STXBP5L: variants seen among roughly 807,000 people sequenced by gnomAD.
STXBP5L encodes syntaxin binding protein 5L.
In STXBP5L, 65 loss-of-function variants were observed where a neutral mutation model predicts 144.5. That is an observed-to-expected ratio of 0.45 (90% CI 0.37 to 0.55). The LOEUF (loss-of-function observed/expected upper bound fraction) is 0.55. Among genes scored for constraint, STXBP5L ranks in the 20% least tolerant of loss-of-function variants. The probability of loss-of-function intolerance (pLI) is 0.00; values close to 1 mark genes in which losing one functional copy is unlikely to be tolerated. For missense variants in STXBP5L, 1,298 were observed against 1,405.5 expected, an observed-to-expected ratio of 0.92 and a Z score of 1.22; for synonymous variants, 505 against 469.6, an observed-to-expected ratio of 1.08 and a Z score of -0.97.
At chr3:121,091,632 T>C (rs572985739) in intron 5 of STXBP5L, among the ~76,000 whole-genome samples, 1 of 152,332 alleles carries the variant, frequency 6.6e-6, no homozygotes, top group Admixed American at 6.5e-5. Flanking sequence ...GGTTGTTTTT[T>C]TCTTGTAAAT....
chr3:121,191,504 G>T (rs955535315), intron 9 of STXBP5L, among the ~76,000 whole-genome samples: 15 of 152,144 alleles, frequency 9.9e-5, no homozygotes, highest in African/African-American at 2.2e-4. Context: ...GTCCAGCCTC[G>T]GCTGGGCATC....
At position 121,029,652 on chromosome 3, in the gene STXBP5L, A is replaced by G. The variant is rs1425201682; in HGVS notation, c.288-12048A>G. 2.0e-5 allele frequency among the ~76,000 whole-genome samples: 3 copies of G among 152,192 alleles called. No individual in the cohort carries two copies. The South Asian group carries it at 6.2e-4, about 31-fold the overall frequency. Reference sequence around the variant, plus strand: ...TCTTCGTGACTAGAATACCAAAAGCAATGGCAACAAAAGGCAAAATTGACA... The same window carrying G: ...TCTTCGTGACTAGAATACCAAAAGCGATGGCAACAAAAGGCAAAATTGACA... On this transcript the variant is annotated intron_variant, in intron 3 of 26. Transcript: ENST00000471454.
intron 9 of STXBP5L, among the ~76,000 whole-genome samples, chr3:121,197,085 GTATGT>G (rs1428156898): frequency 2.0e-5 from 3 of 151,858 alleles, no homozygotes; most frequent in Non-Finnish European, 4.4e-5. Context: ...GGAGTTTTTA[GTATGT>G]TATATCTTCG....
intron 22 of STXBP5L, among the ~76,000 whole-genome samples, chr3:121,383,110 C>T (rs1036914389): frequency 4.6e-5 from 7 of 151,848 alleles, no homozygotes; most frequent in African/African-American, 1.5e-4. Flanking sequence ...AGTGAGACCC[C>T]ATCACTACCA....
intron 20 of STXBP5L, among the ~76,000 whole-genome samples, chr3:121,342,228 A>G (rs572551517): frequency 1.3e-5 from 2 of 152,302 alleles, no homozygotes; most frequent in South Asian, 2.1e-4. Flanking sequence ...AACATTTCTC[A>G]TTCCTAATAA....
At chr3:120,919,306 A>G (rs568260532) in intron 2 of STXBP5L, among the ~76,000 whole-genome samples, 1 of 152,232 alleles carries the variant, frequency 6.6e-6, no homozygotes, top group African/African-American at 2.4e-5. Context: ...TATAGCAAAA[A>G]GCTGAAATTG....
chr3:121,401,861 A>T (rs569423487), intron 22 of STXBP5L, among the ~76,000 whole-genome samples: 5 of 136,096 alleles, frequency 3.7e-5, no homozygotes, highest in East Asian at 2.2e-4. Context: ...AACCTGCACA[A>T]TGTGCACATG....
At chr3:121,310,393 G>A (rs763980978) in intron 19 of STXBP5L, among the ~76,000 whole-genome samples, 4 of 151,766 alleles carry the variant, frequency 2.6e-5, no homozygotes, top group Admixed American at 6.6e-5. Context: ...GGTGGATCAC[G>A]AGGTCAGGAG....
chr3:121,163,493 G>A lies in STXBP5L; in HGVS notation c.877+5866G>A, dbSNP rs572910798. Among the ~76,000 whole-genome samples, 5 of 152,058 alleles carry A rather than the reference G, an allele frequency of 3.3e-5. No individual in the cohort carries two copies. In the South Asian group the frequency reaches 8.3e-4, roughly 25 times the overall value. On this transcript the variant is annotated intron_variant, in intron 9 of 26. Coordinates refer to ENST00000471454, the MANE Select transcript of STXBP5L (RefSeq NM_001308330.2). ...TGCATGCCGGGCTTAAAACCTAGATGATGGGTTGATGGGTGCAGCAAACCA... is the reference window on the plus strand; with the variant it reads ...TGCATGCCGGGCTTAAAACCTAGATAATGGGTTGATGGGTGCAGCAAACCA...
chr3:121,239,651 T>A (rs1175026180), intron 13 of STXBP5L, among the ~76,000 whole-genome samples: 3 of 133,058 alleles, frequency 2.3e-5, no homozygotes, highest in Non-Finnish European at 4.6e-5. Context: ...AGGTGGGAAT[T>A]GAACAATGAG....
intron 21 of STXBP5L, 112 bp downstream of exon 21, chr3:121,378,998 A>C: frequency 9.0e-7 from 1 of 1,113,408 alleles, no homozygotes. Context: ...AAAAACTACT[A>C]ATCAGTGAAT....
intron 10 of STXBP5L, among the ~76,000 whole-genome samples, chr3:121,220,902 C>G (rs2048953660): frequency 6.6e-6 from 1 of 151,908 alleles, no homozygotes; most frequent in Non-Finnish European, 1.5e-5. Context: ...GAGGATTACA[C>G]AAAATTTACT....
intron 5 of STXBP5L, among the ~76,000 whole-genome samples, chr3:121,060,966 T>A (rs892283473): frequency 6.6e-6 from 1 of 152,238 alleles, no homozygotes; most frequent in Non-Finnish European, 1.5e-5. Flanking sequence ...CCTGTCTCTA[T>A]CTCCTTCAGT....
chr3:121,074,105 T>C (rs548083512), intron 5 of STXBP5L, among the ~76,000 whole-genome samples: 2 of 152,314 alleles, frequency 1.3e-5, no homozygotes, highest in African/African-American at 4.8e-5. Context: ...CAGGTCTGTC[T>C]AGTGCTTCCT....
chr3:121,027,224 G>A (rs528768042), intron 3 of STXBP5L, among the ~76,000 whole-genome samples: 39 of 152,150 alleles, frequency 2.6e-4, no homozygotes, highest in African/African-American at 7.9e-4. Flanking sequence ...ACTTTTGAGA[G>A]CCATGTAAAT....
chr3:120,969,148 A>G (rs746555163), intron 3 of STXBP5L, among the ~76,000 whole-genome samples: 6 of 151,922 alleles, frequency 3.9e-5, no homozygotes, highest in Non-Finnish European at 8.8e-5. Context: ...ACTAATTTAC[A>G]TTCCTATCAG....
At chr3:121,373,369 C>T (rs937668898) in intron 20 of STXBP5L, among the ~76,000 whole-genome samples, 3 of 152,212 alleles carry the variant, frequency 2.0e-5, no homozygotes, top group African/African-American at 7.2e-5. Flanking sequence ...TAAGGAGCTT[C>T]CTGGAGTCCA....
intron 9 of STXBP5L, among the ~76,000 whole-genome samples, chr3:121,196,319 A>C (rs986100761): frequency 1.3e-5 from 2 of 151,462 alleles, no homozygotes; most frequent in Non-Finnish European, 1.5e-5. Flanking sequence ...TTGTATTTTT[A>C]GTAGAGATGG....
chr3:120,999,197 C>T (rs1042440906), intron 3 of STXBP5L, among the ~76,000 whole-genome samples: 1 of 152,060 alleles, frequency 6.6e-6, no homozygotes, highest in Non-Finnish European at 1.5e-5. Flanking sequence ...GGACTACAGG[C>T]ATATGCTACC....
Sources: gnomAD v4.1 joint callset for allele counts (sites outside exome capture counted in the v4.1 genomes callset) on GRCh38, gnomAD v4.1.1 for gene constraint, MANE v1.5 for transcripts, NCBI Gene and HGNC (gene_info 2026-07-23, HGNC 2026-07-21) for gene names.